The following MED12L variants were observed in gnomAD, a reference collection of about 807,000 sequenced individuals.
MED12L encodes mediator of RNA polymerase II transcription subunit 12-like protein.
A neutral mutation model predicts 281.3 loss-of-function variants in MED12L; 60 were observed. The ratio of observed to expected loss-of-function variants is 0.21; its 90% CI spans 0.17 to 0.26. MED12L has a LOEUF of 0.26. Ranked by LOEUF, MED12L falls within the 10% of genes least tolerant of loss-of-function variation. The pLI is 1.00. For missense variants in MED12L, 2,146 were observed against 2,680.9 expected (o/e 0.80, Z 4.41); for synonymous variants, 974 against 987.2 (o/e 0.99, Z 0.25).
At chr3:151,173,818 T>C (rs893677504) in intron 11 of MED12L, among the ~76,000 whole-genome samples, 7 of 152,228 alleles carry the variant, frequency 4.6e-5, no homozygotes, top group African/African-American at 1.4e-4. Flanking sequence ...CCAGTTGTTA[T>C]GTTCTTGACT....
At chr3:151,226,955 G>A (rs1311963425) in intron 16 of MED12L, among the ~76,000 whole-genome samples, 2 of 152,186 alleles carry the variant, frequency 1.3e-5, no homozygotes, top group South Asian at 2.1e-4. Flanking sequence ...GCTGCATGTG[G>A]TTTGGATGCC....
intron 16 of MED12L, among the ~76,000 whole-genome samples, chr3:151,244,084 G>C (rs1319428958): frequency 1.8e-5 from 2 of 112,458 alleles, no homozygotes; most frequent in African/African-American, 5.7e-5. Flanking sequence ...AAATATATAT[G>C]CACCCAATAC....
intron 16 of MED12L, among the ~76,000 whole-genome samples, chr3:151,206,072 T>C (rs934272418): frequency 1.1e-5 from 1 of 87,086 alleles, no homozygotes; most frequent in Non-Finnish European, 2.1e-5. Flanking sequence ...AAGAAAATAA[T>C]TTTTTTTTTT....
intron 16 of MED12L, among the ~76,000 whole-genome samples, chr3:151,281,232 CAAAAAAAA>C (rs35035320): frequency 4.0e-5 from 2 of 49,940 alleles, no homozygotes; most frequent in Non-Finnish European, 7.2e-5. Context: ...ACCAAAAATA[CAAAAAAAA>C]AAAAAAAAAA....
chr3:151,373,080 G>A (rs1303651432), intron 27 of MED12L, among the ~76,000 whole-genome samples: 2 of 151,980 alleles, frequency 1.3e-5, no homozygotes, highest in Admixed American at 1.3e-4. Flanking sequence ...TTTGAATATT[G>A]CATTATTTCA....
At position 151,160,008 on chromosome 3, in the gene MED12L, C is replaced by T. The variant is rs1372164742; in HGVS notation, c.1014C>T (p.Gly338=). ...SIGAPSPGPP[G]PGMSPVQLAF... ...GGGCCCCCAGCCCTGGCCCCCCCGG[C>T]CCTGGCATGAGCCCCGTGCAGCTGG... Residue 338 remains glycine (G), a synonymous_variant, in exon 8 of 45, where the codon GGC becomes GGT. Transcript: ENST00000687756. The T allele has an allele frequency of 3.1e-6, 5 of 1,614,226 alleles. No homozygotes were observed. Among genetic ancestry groups the T allele is most frequent in the Non-Finnish European group, 4.2e-6 (5 of 1,180,024 alleles).
intron 16 of MED12L, among the ~76,000 whole-genome samples, chr3:151,314,974 ACTGCCTCTTGC>A (rs1040210134): frequency 3.9e-5 from 6 of 152,122 alleles, no homozygotes; most frequent in African/African-American, 1.4e-4. Flanking sequence ...AACCCAAACT[ACTGCCTCTTGC>A]CTGCATAGAG....
intron 5 of MED12L, among the ~76,000 whole-genome samples, chr3:151,141,024 C>T (rs1432742929): frequency 6.6e-6 from 1 of 152,128 alleles, no homozygotes; most frequent in Admixed American, 6.5e-5. Flanking sequence ...CCCGCCACGA[C>T]GCCCAGCTAA....
intron 14 of MED12L, among the ~76,000 whole-genome samples, chr3:151,191,632 C>G (rs1723993575): frequency 2.0e-5 from 3 of 152,174 alleles, no homozygotes; most frequent in Admixed American, 2.0e-4. Flanking sequence ...TTAGCCTGGG[C>G]ACGGTGGCTG....
intron 16 of MED12L, chr3:151,328,710 A>G: frequency 6.2e-7 from 1 of 1,614,072 alleles, no homozygotes; most frequent in Non-Finnish European, 8.5e-7. Context: ...GAAAAACGAC[A>G]CACAAAAGCT....
At chr3:151,189,272 G>T (rs1723659868) in intron 13 of MED12L, among the ~76,000 whole-genome samples, 1 of 152,184 alleles carries the variant, frequency 6.6e-6, no homozygotes, top group Non-Finnish European at 1.5e-5. Flanking sequence ...GAGGTTCTTT[G>T]AGACAAAGGG....
At position 151,378,131 on chromosome 3, in the gene MED12L, GTTC is replaced by G. The variant is rs1711551078; in HGVS notation, c.4443_4445del (p.Ser1482del). ...GAGCTGGAGAAGGGACAGCACTTGGGTTCTTCTTCCAAAAAGGAAAGGGACAGA... is the reference window on the plus strand; with the variant it reads ...GAGCTGGAGAAGGGACAGCACTTGGGTTCTTCCAAAAAGGAAAGGGACAGA... On this transcript the variant is annotated inframe_deletion, in exon 31 of 45. Coordinates refer to ENST00000687756, the MANE Select transcript of MED12L (RefSeq NM_001393769.1). 1 of 1,611,048 alleles carries G rather than the reference GTTC, an allele frequency of 6.2e-7. No homozygotes were observed. Among genetic ancestry groups the G allele is most frequent in the African/African-American group, 1.3e-5 (1 of 74,802 alleles).
chr3:151,360,714 TCTATTAG>T (rs772827828), intron 21 of MED12L, 109 bp downstream of exon 21: 1 of 1,013,062 alleles, frequency 9.9e-7, no homozygotes, highest in Non-Finnish European at 1.5e-6. Context: ...TGCAATTGTA[TCTATTAG>T]GCAGTAATTT....
intron 8 of MED12L, among the ~76,000 whole-genome samples, chr3:151,161,366 G>A (rs1364058936): frequency 6.6e-6 from 1 of 152,134 alleles, no homozygotes; most frequent in Non-Finnish European, 1.5e-5. Context: ...AATCCTTCAA[G>A]AACTTTGGCT....
intron 5 of MED12L, among the ~76,000 whole-genome samples, chr3:151,151,186 C>T (rs896838620): frequency 6.6e-6 from 1 of 151,458 alleles, no homozygotes; most frequent in Admixed American, 6.6e-5. Context: ...TACAGGCGCC[C>T]GCCACCACAC....
chr3:151,094,630 A>G (rs1031052162), intron 2 of MED12L, among the ~76,000 whole-genome samples: 2 of 152,224 alleles, frequency 1.3e-5, no homozygotes, highest in Non-Finnish European at 2.9e-5. Flanking sequence ...TATGTAAAGA[A>G]CAATGTCATT....
chr3:151,326,365 A>T (rs1443063621), intron 16 of MED12L: 1 of 152,656 alleles, frequency 6.6e-6, no homozygotes, highest in Non-Finnish European at 1.5e-5. Context: ...CTCCTTTCAG[A>T]TATATACATC....
At chr3:151,121,933 C>A (rs891667) in intron 3 of MED12L, among the ~76,000 whole-genome samples, 1 of 151,630 alleles carries the variant, frequency 6.6e-6, no homozygotes, top group Admixed American at 6.6e-5. Flanking sequence ...AGGCTGGTCT[C>A]GAACTCTTGA....
intron 11 of MED12L, among the ~76,000 whole-genome samples, chr3:151,172,078 A>G (rs369125278): frequency 4.5e-4 from 69 of 152,344 alleles, no homozygotes; most frequent in African/African-American, 1.5e-3. Flanking sequence ...GAATCTGTAT[A>G]TATCAGTCTT....
Sources: gnomAD v4.1 joint callset for allele counts (sites outside exome capture counted in the v4.1 genomes callset) on GRCh38, gnomAD v4.1.1 for gene constraint, MANE v1.5 for transcripts, NCBI Gene and HGNC (gene_info 2026-07-23, HGNC 2026-07-21) for gene names.